The following HMGCLL1 variants were observed in gnomAD, a reference collection of about 807,000 sequenced individuals.
HMGCLL1 encodes the protein 3-hydroxymethyl-3-methylglutaryl-CoA lyase, cytoplasmic.
In HMGCLL1, 36 loss-of-function variants were observed where a neutral mutation model predicts 39.1. The ratio of observed to expected loss-of-function variants is 0.92; its 90% confidence interval spans 0.71 to 1.22. The LOEUF (loss-of-function observed/expected upper bound fraction) is 1.22. HMGCLL1 is among the 50% of genes most tolerant of loss of function. The pLI is 0.00. For missense variants in HMGCLL1, 451 were observed against 416.5 expected, an observed-to-expected ratio of 1.08 and a Z score of -0.72; for synonymous variants, 149 against 144.0, an observed-to-expected ratio of 1.03 and a Z score of -0.25.
the HMGCLL1 span, among the ~76,000 whole-genome samples, chr6:55,585,764 T>A: frequency 6.6e-6 from 1 of 152,072 alleles, no homozygotes; most frequent in African/African-American, 2.4e-5. Context: ...TTTAGGACAT[T>A]TGTTTAGTCC....
At chr6:55,463,726 A>G (rs1764682419) in intron 7 of HMGCLL1, among the ~76,000 whole-genome samples, 2 of 152,356 alleles carry the variant, frequency 1.3e-5, no homozygotes, top group South Asian at 4.1e-4. Context: ...AATCATGGAA[A>G]GAAAGTGAGC....
At chr6:55,532,227 A>C (rs1446919226) in intron 3 of HMGCLL1, among the ~76,000 whole-genome samples, 1 of 152,240 alleles carries the variant, frequency 6.6e-6, no homozygotes, top group Admixed American at 6.5e-5. Flanking sequence ...CATGCTGAGC[A>C]TAATAATCTT....
chr6:55,460,367 T>C (rs1764503626), intron 7 of HMGCLL1, among the ~76,000 whole-genome samples: 2 of 151,978 alleles, frequency 1.3e-5, no homozygotes, highest in African/African-American at 2.4e-5. Flanking sequence ...AATTTATGTA[T>C]ACAACCAATT....
the HMGCLL1 span, among the ~76,000 whole-genome samples, chr6:55,584,709 A>G: frequency 6.6e-6 from 1 of 152,092 alleles, no homozygotes; most frequent in African/African-American, 2.4e-5. Context: ...GCTATTTGAA[A>G]GTCTCTATGC....
the HMGCLL1 span, among the ~76,000 whole-genome samples, chr6:55,659,166 G>A: frequency 6.6e-6 from 1 of 151,812 alleles, no homozygotes; most frequent in Non-Finnish European, 1.5e-5. Context: ...AAAGGTCAAG[G>A]GTTACTCCTA....
At chr6:55,610,238 A>G in the HMGCLL1 span, among the ~76,000 whole-genome samples, 4 of 152,158 alleles carry the variant, frequency 2.6e-5, no homozygotes. Flanking sequence ...AACTTTGCTT[A>G]GGTAAAGGAG....
At chr6:55,541,264 C>A (rs558734965) in intron 3 of HMGCLL1, among the ~76,000 whole-genome samples, 1 of 152,100 alleles carries the variant, frequency 6.6e-6, no homozygotes. Flanking sequence ...TATTTGATGA[C>A]GTATCCCTGT....
At chr6:55,608,514 C>T in the HMGCLL1 span, among the ~76,000 whole-genome samples, 1 of 151,974 alleles carries the variant, frequency 6.6e-6, no homozygotes, top group Non-Finnish European at 1.5e-5. Flanking sequence ...ATCGGATTCC[C>T]CCAAAATTAA....
the HMGCLL1 span, among the ~76,000 whole-genome samples, chr6:55,606,203 C>T: frequency 2.0e-5 from 3 of 151,768 alleles, no homozygotes; most frequent in African/African-American, 4.8e-5. Flanking sequence ...GTTCACCTTC[C>T]GATAAAAAAA....
chr6:55,627,579 G>C, the HMGCLL1 span, among the ~76,000 whole-genome samples: 1 of 151,640 alleles, frequency 6.6e-6, no homozygotes, highest in Admixed American at 6.6e-5. Flanking sequence ...CTGCGTGGGT[G>C]TTGCCAAAAG....
the HMGCLL1 span, among the ~76,000 whole-genome samples, chr6:55,632,172 C>T: frequency 8.5e-5 from 13 of 152,076 alleles, 1 homozygote; most frequent in African/African-American, 3.1e-4. Flanking sequence ...ATAATTTGTA[C>T]TTAAAAATAA....
chr6:55,621,241 A>T, the HMGCLL1 span, among the ~76,000 whole-genome samples: 1 of 152,162 alleles, frequency 6.6e-6, no homozygotes, highest in Non-Finnish European at 1.5e-5. Context: ...AACATTGATT[A>T]TTCCAATACT....
In HMGCLL1 at chr6:55,495,428, C is replaced by T. The variant is rs746330524; in HGVS notation, c.786G>A (p.Thr262=). ...AAAGAGTACAAAATACCTGAAGGGC[C>T]GTAAGGATATTTGCTAAGGCTTGTC... The part of the protein sequence containing the change: ...TYGQALANIL[T]ALQMGINVVD... The change falls in exon 7 of 9, where the codon ACG becomes ACA. Residue 262 remains threonine (T), a synonymous_variant. Transcript: ENST00000274901. The T allele has an allele frequency of 3.0e-5, 48 of 1,613,116 alleles. No individual in the cohort carries two copies. Among genetic ancestry groups the T allele is most frequent in the South Asian group, 3.3e-5 (3 of 90,990 alleles).
At position 55,569,549 on chromosome 6, in the gene HMGCLL1, T is replaced by C. The variant is rs140049819; in HGVS notation, c.108+9399A>G. Among the ~76,000 whole-genome samples the C allele has an allele frequency of 2.0e-5, 3 of 152,292 alleles. No homozygotes were observed. The East Asian group carries it at 5.8e-4, about 29-fold the overall frequency. On this transcript the variant is annotated intron_variant, in intron 1 of 8. Transcript: ENST00000274901. ...AAAATTCTAGCTTACTAGCTGTTGATCATAGGCACATTTTTTTAACCTTTC... is the reference window on the plus strand; with the variant it reads ...AAAATTCTAGCTTACTAGCTGTTGACCATAGGCACATTTTTTTAACCTTTC...
At chr6:55,532,774 C>T (rs908136938) in intron 3 of HMGCLL1, among the ~76,000 whole-genome samples, 1 of 150,168 alleles carries the variant, frequency 6.7e-6, no homozygotes, top group Non-Finnish European at 1.5e-5. Flanking sequence ...GCACTCTAGC[C>T]TGGGCAACAA....
At chr6:55,480,797 G>A (rs928411194) in intron 7 of HMGCLL1, among the ~76,000 whole-genome samples, 4 of 151,914 alleles carry the variant, frequency 2.6e-5, no homozygotes, top group African/African-American at 4.8e-5. Flanking sequence ...ATACTATTCA[G>A]CCATAAAAAA....
intron 1 of HMGCLL1, among the ~76,000 whole-genome samples, chr6:55,575,693 T>G (rs559915334): frequency 6.6e-6 from 1 of 152,190 alleles, no homozygotes. Flanking sequence ...CTCTGCTGTG[T>G]TGACAGCCTC....
chr6:55,569,911 C>T (rs1771391874), intron 1 of HMGCLL1, among the ~76,000 whole-genome samples: 1 of 152,078 alleles, frequency 6.6e-6, no homozygotes, highest in Admixed American at 6.5e-5. Context: ...ATGTGAACAG[C>T]CTTAAGCTTT....
the HMGCLL1 span, among the ~76,000 whole-genome samples, chr6:55,600,362 G>A: frequency 1.3e-5 from 2 of 152,120 alleles, no homozygotes; most frequent in South Asian, 4.1e-4. Context: ...CAATTTAGGT[G>A]TGAGAGCTAT....
Sources: gnomAD v4.1 joint callset for allele counts (sites outside exome capture counted in the v4.1 genomes callset) on GRCh38, gnomAD v4.1.1 for gene constraint, MANE v1.5 for transcripts, NCBI Gene and HGNC (gene_info 2026-07-23, HGNC 2026-07-21) for gene names.